Variants in PCDHGA4 observed in about 807,000 individuals in gnomAD.
PCDHGA4 encodes the protein protocadherin gamma-A4.
In PCDHGA4, 38 loss-of-function variants were observed where a neutral mutation model predicts 54.6. The observed-to-expected ratio is 0.70, with a 90% CI of 0.54 to 0.91. The LOEUF is 0.91. Among genes scored for constraint, PCDHGA4 ranks in the 40% least tolerant of loss-of-function variants. The probability of loss-of-function intolerance (pLI) is 0.00; values close to 1 mark genes in which losing one functional copy is unlikely to be tolerated. For synonymous variants in PCDHGA4, 511 were observed against 512.9 expected, an observed-to-expected ratio of 1.00 and a Z score of 0.05; for missense variants, 1,298 against 1,220.9, an observed-to-expected ratio of 1.06 and a Z score of -0.94.
rs552257647 is a variant in PCDHGA4 at position 141,389,615 on chromosome 5, G to T, written c.2514+31994G>T. The T allele has an allele frequency of 4.3e-6, 7 of 1,612,854 alleles. No homozygotes were observed. In the African/African-American group the frequency reaches 8.0e-5, roughly 18 times the overall value. On this transcript the variant is annotated intron_variant, in intron 1 of 3. Transcript: ENST00000571252. The stretch of plus-strand genomic sequence containing the variant: ...GCTCTGCGCTCTTCGATATGGTGCC[G>T]CACGCTGCAGAGCCTGGCTACTTGG...
intron 1 of PCDHGA4, among the ~76,000 whole-genome samples, chr5:141,463,205 A>T (rs2099054933): frequency 6.6e-6 from 1 of 152,080 alleles, no homozygotes; most frequent in Non-Finnish European, 1.5e-5. Context: ...AGACTTGGGG[A>T]TCCATATTAA....
In PCDHGA4 at chr5:141,477,967, C is replaced by A; in HGVS notation, c.2515-16840C>A. The A allele has an allele frequency of 6.2e-7, 1 of 1,614,150 alleles. No individual in the cohort carries two copies. Among genetic ancestry groups the A allele is most frequent in the Non-Finnish European group, 8.5e-7 (1 of 1,180,032 alleles). On this transcript the variant is annotated intron_variant, in intron 1 of 3. Transcript: ENST00000571252. The surrounding 1 kb of genome is among the most constrained non-coding windows in gnomAD (Gnocchi z 4.9). ...GTCTCTTGGGATCCCCTAACCAGAG[C>A]CTTTTTGCCATAGGGCTGCACACTG...
Position 141,422,925 on chromosome 5 carries a change from T to C in PCDHGA4, c.2514+65304T>C, listed in dbSNP as rs568894245. ...ACAATGCGCCCGAGATCCTGTACCC[T>C]GCCCTCCCCACAGACGGCTCCACTG... On this transcript the variant is annotated intron_variant, in intron 1 of 3. Transcript: ENST00000571252. 1.4e-4 allele frequency: 220 copies of C among 1,614,202 alleles called. 2 individuals are homozygous for C. The South Asian group carries it at 2.2e-3, about 16-fold the overall frequency.
At chr5:141,438,763 G>C (rs537316602) in intron 1 of PCDHGA4, among the ~76,000 whole-genome samples, 1 of 149,962 alleles carries the variant, frequency 6.7e-6, no homozygotes, top group South Asian at 2.1e-4. Context: ...CTGGGTTCAA[G>C]CGATTCTCCT....
chr5:141,475,139 C>T (rs928313061), intron 1 of PCDHGA4, among the ~76,000 whole-genome samples: 2 of 151,928 alleles, frequency 1.3e-5, no homozygotes, highest in African/African-American at 4.8e-5. Flanking sequence ...TTTTTGAAAT[C>T]TTCTCCGTCT....
At chr5:141,394,607 G>C (rs769750411) in intron 1 of PCDHGA4, 10 of 1,613,414 alleles carry the variant, frequency 6.2e-6, no homozygotes, top group South Asian at 2.2e-5. Context: ...ACAGAGACTC[G>C]GGCCAGAACG....
At chr5:141,409,172 G>A in intron 1 of PCDHGA4, 8 of 1,614,006 alleles carry the variant, frequency 5.0e-6, no homozygotes, top group Non-Finnish European at 6.8e-6. Context: ...AGCGAAGGAC[G>A]GAGGTGGTCT....
intron 3 of PCDHGA4, among the ~76,000 whole-genome samples, chr5:141,510,533 C>A (rs1366903068): frequency 6.6e-6 from 1 of 152,118 alleles, no homozygotes; most frequent in Non-Finnish European, 1.5e-5. Flanking sequence ...GAGAGAAATA[C>A]CAGCGAATGT....
chr5:141,388,769 C>T (rs1216196772), intron 1 of PCDHGA4: 23 of 1,613,914 alleles, frequency 1.4e-5, no homozygotes, highest in Non-Finnish European at 1.9e-5. Flanking sequence ...TGAACTCTAA[C>T]ACCGGGGAAA....
chr5:141,416,120 A>C (rs2095996372), intron 1 of PCDHGA4: 1 of 155,288 alleles, frequency 6.4e-6, no homozygotes, highest in African/African-American at 2.4e-5. Context: ...ACTACATTTT[A>C]TATATTTTTC....
chr5:141,382,810 C>T, intron 1 of PCDHGA4: 3 of 1,162,786 alleles, frequency 2.6e-6, no homozygotes, highest in Non-Finnish European at 3.7e-6. Context: ...TCTGAGCTCC[C>T]CTTCCTAAGA....
Position 141,485,943 on chromosome 5 carries a change from C to CG in PCDHGA4, c.2515-8861dup, listed in dbSNP as rs1562109052. ...ATTAGTGTGTTGGAGAGCGCACCAG[C>CG]GGGCATGGTGCTCATCCAGCTCAAT... On this transcript the variant is annotated intron_variant, in intron 1 of 3. Coordinates refer to ENST00000571252, the MANE Select transcript of PCDHGA4 (RefSeq NM_018917.4). The surrounding 1 kb of genome is among the most constrained non-coding windows in gnomAD (Gnocchi z 5.7). The CG allele has an allele frequency of 1.2e-6, 2 of 1,614,126 alleles. No individual in the cohort carries two copies. Among genetic ancestry groups the CG allele is most frequent in the Non-Finnish European group, 1.7e-6 (2 of 1,180,012 alleles).
chr5:141,425,881 A>T (rs911454948), intron 1 of PCDHGA4, among the ~76,000 whole-genome samples: 1 of 152,230 alleles, frequency 6.6e-6, no homozygotes, highest in Non-Finnish European at 1.5e-5. Flanking sequence ...TCTCTAAGGA[A>T]TCTTCTTTGG....
chr5:141,399,776 A>T, intron 1 of PCDHGA4: 1 of 1,613,218 alleles, frequency 6.2e-7, no homozygotes, highest in African/African-American at 1.3e-5. Context: ...TTGGTGGGCG[A>T]CCGAAACGAC....
At chr5:141,361,459 A>G in intron 1 of PCDHGA4, 4 of 1,614,028 alleles carry the variant, frequency 2.5e-6, no homozygotes, top group East Asian at 4.5e-5. Flanking sequence ...CACCCTGCAC[A>G]TCTCCGACGT....
At chr5:141,475,500 T>C (rs1393586791) in intron 1 of PCDHGA4, among the ~76,000 whole-genome samples, 1 of 152,248 alleles carries the variant, frequency 6.6e-6, no homozygotes, top group East Asian at 1.9e-4. Flanking sequence ...ACTGAAATTA[T>C]TAATGTCTCC....
intron 1 of PCDHGA4, chr5:141,379,005 C>T (rs556550665): frequency 4.6e-4 from 70 of 152,174 alleles, no homozygotes; most frequent in Non-Finnish European, 6.8e-4. Context: ...CAAGATTTTT[C>T]TCCAGTCATG....
rs377138746 is a variant in PCDHGA4 at position 141,432,481 on chromosome 5, C to T, written c.2515-62326C>T. ...CCCTCCCCACGGACGGTTCCACTGG[C>T]GTGGAGCTGGCTCCCCGCTCCGCAG... On this transcript the variant is annotated intron_variant, in intron 1 of 3. Transcript: ENST00000571252. This position sits in a 1 kb window ranked among gnomAD's most constrained non-coding sequence, Gnocchi z 6.0. The T allele has an allele frequency of 1.1e-5, 17 of 1,614,198 alleles. No individual in the cohort carries two copies. The African/African-American group carries it at 1.7e-4, about 16-fold the overall frequency.
chr5:141,381,925 G>A (rs1777765051), intron 1 of PCDHGA4, among the ~76,000 whole-genome samples: 1 of 145,664 alleles, frequency 6.9e-6, no homozygotes, highest in Non-Finnish European at 1.5e-5. Flanking sequence ...CACCTCCCGG[G>A]TTCAAGCGAT....
Sources: allele counts gnomAD v4.1 joint callset (sites outside exome capture counted in the v4.1 genomes callset), GRCh38; gene constraint gnomAD v4.1.1; non-coding constraint Gnocchi (gnomAD v3.1); transcripts MANE v1.5; gene names NCBI Gene and HGNC (gene_info 2026-07-23, HGNC 2026-07-21).